The following NPFFR2 variants were observed in gnomAD, a reference collection of about 807,000 sequenced individuals.
The protein encoded by NPFFR2 is neuropeptide FF receptor 2.
A neutral mutation model predicts 13.1 loss-of-function variants in NPFFR2; 15 were observed. The observed-to-expected ratio is 1.15, with a 90% CI of 0.77 to 1.76. The LOEUF is 1.76. Ranked by LOEUF, NPFFR2 falls within the 40% of genes most tolerant of loss-of-function variation. The probability of loss-of-function intolerance (pLI) is 0.00; values close to 1 mark genes in which losing one functional copy is unlikely to be tolerated. For synonymous variants in NPFFR2, 190 were observed against 175.7 expected (o/e 1.08, Z -0.65); for missense variants, 572 against 503.5 (o/e 1.14, Z -1.30).
intron 1 of NPFFR2, among the ~76,000 whole-genome samples, chr4:72,105,370 T>C (rs868666608): frequency 6.6e-6 from 1 of 151,940 alleles, no homozygotes; most frequent in South Asian, 2.1e-4. Context: ...CCAAAACAAA[T>C]TAATGGCTTA....
In NPFFR2 at chr4:72,147,913, A is replaced by T; in HGVS notation, c.*101A>T. 5.4e-6 allele frequency: 5 copies of T among 925,162 alleles called. No individual in the cohort carries two copies. Among genetic ancestry groups the T allele is most frequent in the African/African-American group, 1.7e-5 (1 of 59,256 alleles). 57.3% of individuals were successfully genotyped at this position (925,162 alleles called of 1,614,324 possible). Reference sequence around the variant, plus strand: ...TCAAATTTTTCAAAGAATGTTCTAAATAAAACATTTACTGAAAGCCCTCTC... The same window carrying T: ...TCAAATTTTTCAAAGAATGTTCTAATTAAAACATTTACTGAAAGCCCTCTC... On this transcript the variant is annotated 3_prime_UTR_variant, in exon 4 of 4. Coordinates refer to ENST00000308744, the MANE Select transcript of NPFFR2 (RefSeq NM_004885.3).
chr4:72,050,556 C>T (rs1719516499), intron 1 of NPFFR2, among the ~76,000 whole-genome samples: 1 of 151,910 alleles, frequency 6.6e-6, no homozygotes, highest in South Asian at 2.1e-4. Context: ...CATGACATGG[C>T]AAATAGCAGG....
chr4:72,113,477 GCTATCATCAATGTC>G (rs1415379628), intron 1 of NPFFR2, among the ~76,000 whole-genome samples: 1 of 151,928 alleles, frequency 6.6e-6, no homozygotes, highest in Non-Finnish European at 1.5e-5. Context: ...TCAAAGATTT[GCTATCATCAATGTC>G]CTATCATCAA....
rs777610698 is a variant in NPFFR2, at chr4:72,128,722, T to C, written c.131T>C (p.Val44Ala). ...AACTACTATCTTCACCAGCCTCAAG[T>C]GGCAGCAATCTTCATTATTTCCTAC... Reference protein sequence around the residue: ...YVNYYLHQPQVAAIFIISYFL... With the variant: ...YVNYYLHQPQAAAIFIISYFL... Residue 44 changes from valine (V) to alanine (A), a missense_variant, in exon 2 of 4, where the codon GTG (valine) becomes GCG (alanine). Physicochemically the swap from Val to Ala is moderately conservative, Grantham distance 64. Coordinates refer to ENST00000308744, the MANE Select transcript of NPFFR2 (RefSeq NM_004885.3). 8.1e-6 allele frequency: 13 copies of C among 1,614,146 alleles called. No homozygotes were observed. The highest frequency in any genetic ancestry group is 5.0e-5 in the Admixed American group (3 of 60,026).
At chr4:72,039,414 G>T (rs184396059) in intron 1 of NPFFR2, 38 of 983,946 alleles carry the variant, frequency 3.9e-5, no homozygotes, top group Non-Finnish European at 4.3e-5. Flanking sequence ...CATATTACAG[G>T]TAACCAATCT....
At chr4:72,130,445 T>C (rs1236846861) in intron 2 of NPFFR2, among the ~76,000 whole-genome samples, 1 of 152,202 alleles carries the variant, frequency 6.6e-6, no homozygotes, top group Non-Finnish European at 1.5e-5. Flanking sequence ...AACATAAGTT[T>C]ACATTGTAAA....
chr4:72,117,122 A>G lies in NPFFR2; in HGVS notation c.-7-11463A>G, dbSNP rs144006792. Among the ~76,000 whole-genome samples the G allele has an allele frequency of 1.7e-4, 26 of 152,194 alleles. No individual in the cohort carries two copies. In the East Asian group the frequency reaches 4.8e-3, roughly 28 times the overall value. On this transcript the variant is annotated intron_variant, in intron 1 of 3. Transcript: ENST00000308744. ...ACCCTGACCCAGTTCTATGCCCTATAAAACCTTGCTATAGCCTGTAAGCCA... is the reference window on the plus strand; with the variant it reads ...ACCCTGACCCAGTTCTATGCCCTATGAAACCTTGCTATAGCCTGTAAGCCA...
At chr4:72,046,436 A>T (rs1399482448) in intron 1 of NPFFR2, among the ~76,000 whole-genome samples, 2 of 152,136 alleles carry the variant, frequency 1.3e-5, no homozygotes. Context: ...TCTGTCTCAC[A>T]TGCTTGCTTA....
At chr4:72,118,827 A>C (rs1174399743) in intron 1 of NPFFR2, among the ~76,000 whole-genome samples, 1 of 152,194 alleles carries the variant, frequency 6.6e-6, no homozygotes, top group Non-Finnish European at 1.5e-5. Context: ...ATACAGTATA[A>C]AATGGCATAA....
intron 3 of NPFFR2, among the ~76,000 whole-genome samples, chr4:72,144,590 G>T (rs777254058): frequency 6.6e-6 from 1 of 151,880 alleles, no homozygotes; most frequent in Non-Finnish European, 1.5e-5. Flanking sequence ...TTACAGTTAC[G>T]TTCCAAAGCA....
intron 1 of NPFFR2, among the ~76,000 whole-genome samples, chr4:72,088,970 C>G (rs1169257702): frequency 2.6e-5 from 4 of 151,982 alleles, no homozygotes; most frequent in Non-Finnish European, 5.9e-5. Flanking sequence ...AGTCTTTTAT[C>G]CCTCAACCCT....
At chr4:72,107,959 A>C (rs981897963) in intron 1 of NPFFR2, among the ~76,000 whole-genome samples, 2 of 152,010 alleles carry the variant, frequency 1.3e-5, no homozygotes, top group African/African-American at 2.4e-5. Context: ...AAAAACAGAG[A>C]TCTTACTTAT....
chr4:72,032,925 A>G (rs1427136617), intron 1 of NPFFR2, among the ~76,000 whole-genome samples: 1 of 152,230 alleles, frequency 6.6e-6, no homozygotes, highest in Non-Finnish European at 1.5e-5. Flanking sequence ...CCCCTCAGCT[A>G]TAGTGTAGAT....
At chr4:72,058,085 A>G (rs1719805459) in intron 1 of NPFFR2, among the ~76,000 whole-genome samples, 1 of 151,960 alleles carries the variant, frequency 6.6e-6, no homozygotes, top group Admixed American at 6.6e-5. Flanking sequence ...GCCAGGAGGT[A>G]ATAATATTTG....
intron 1 of NPFFR2, chr4:72,039,309 C>T (rs1365229164): frequency 2.4e-5 from 11 of 450,544 alleles, no homozygotes; most frequent in East Asian, 3.2e-4. Context: ...CCACCCACCT[C>T]GGCCTCCCAA....
chr4:72,051,188 A>T (rs1177788284), intron 1 of NPFFR2, among the ~76,000 whole-genome samples: 1 of 151,796 alleles, frequency 6.6e-6, no homozygotes, highest in Non-Finnish European at 1.5e-5. Context: ...GAGTTGCCAC[A>T]CTGACTTCCA....
chr4:72,146,684 T>C, intron 3 of NPFFR2: 1 of 311,814 alleles, frequency 3.2e-6, no homozygotes. Flanking sequence ...AAAGAGACGG[T>C]CCATGCAAAT....
intron 1 of NPFFR2, among the ~76,000 whole-genome samples, chr4:72,101,456 T>G (rs1477516268): frequency 6.6e-6 from 1 of 151,288 alleles, no homozygotes; most frequent in African/African-American, 2.4e-5. Flanking sequence ...GGTACATTAA[T>G]AAAATATTTA....
chr4:72,146,534 A>C (rs1722787040), intron 3 of NPFFR2: 1 of 165,192 alleles, frequency 6.1e-6, no homozygotes, highest in South Asian at 1.7e-4. Context: ...ACAGCCTAAG[A>C]GCTACCCATC....
Sources: gnomAD v4.1 joint callset for allele counts (sites outside exome capture counted in the v4.1 genomes callset) on GRCh38, gnomAD v4.1.1 for gene constraint, MANE v1.5 for transcripts, NCBI Gene and HGNC (gene_info 2026-07-23, HGNC 2026-07-21) for gene names.